KBTBD11: variants seen among roughly 807,000 people sequenced by gnomAD.
KBTBD11 encodes kelch repeat and BTB domain-containing protein 11.
For missense variants in KBTBD11, 1,390 were observed against 1,001.8 expected (o/e 1.39, Z -5.23); for synonymous variants, 747 against 499.0 (o/e 1.50, Z -6.63).
intron 1 of KBTBD11, among the ~76,000 whole-genome samples, chr8:1,993,054 C>T (rs543905197): frequency 1.3e-5 from 2 of 152,194 alleles, no homozygotes; most frequent in South Asian, 4.1e-4. Context: ...ATCCTCTGAC[C>T]CCAGCTTCCC....
In KBTBD11 at chr8:2,002,883, G is replaced by A; in HGVS notation, c.1691G>A (p.Cys564Tyr). ...GCCGCCCTGGACGGCGCCATCTACT[G>A]CGTGAGCCGCGCGGGCACCTGGCGC... ...RCAALDGAIYCVSRAGTWRFQ... is the reference protein window; with the variant it reads ...RCAALDGAIYYVSRAGTWRFQ... Residue 564 changes from cysteine to tyrosine, a missense_variant, in exon 2 of 2, where the codon TGC (cysteine) becomes TAC (tyrosine). Transcript: ENST00000320248. This position sits in a 1 kb window ranked among gnomAD's most constrained non-coding sequence, Gnocchi z 4.1. 1 of 1,328,966 alleles carries A rather than the reference G, an allele frequency of 7.5e-7. No homozygotes were observed. Among genetic ancestry groups the A allele is most frequent in the African/African-American group, 1.5e-5 (1 of 64,798 alleles). The allele number at this position is 1,328,966 out of a possible 1,614,324, so 82.3% of individuals were successfully genotyped here. A position where few individuals can be genotyped will look rare whatever the true frequency, so the allele number is the denominator to read the frequency against.
chr8:1,978,276 A>G lies in KBTBD11; in HGVS notation c.-909+4341A>G, dbSNP rs73184726. Among the ~76,000 whole-genome samples, 564 of 152,332 alleles carry G rather than the reference A, an allele frequency of 3.7e-3. 2 individuals carry two copies. The highest frequency in any genetic ancestry group is 5.7e-3 in the Non-Finnish European group (386 of 68,030). Reference sequence around the variant, plus strand: ...GTTTTCTGTTCCTGTATTCGTAGCAATAGCATTCATTTTGCTTAAAAGTCT... The same window carrying G: ...GTTTTCTGTTCCTGTATTCGTAGCAGTAGCATTCATTTTGCTTAAAAGTCT... On this transcript the variant is annotated intron_variant, in intron 1 of 1. Transcript: ENST00000320248.
intron 1 of KBTBD11, among the ~76,000 whole-genome samples, chr8:1,999,911 C>G (rs1446757776): frequency 6.6e-6 from 1 of 152,176 alleles, no homozygotes; most frequent in Non-Finnish European, 1.5e-5. Context: ...CTTCATGCTA[C>G]TTACACTTTT....
At chr8:1,982,898 G>T (rs549223826) in intron 1 of KBTBD11, among the ~76,000 whole-genome samples, 7 of 152,062 alleles carry the variant, frequency 4.6e-5, no homozygotes, top group African/African-American at 1.7e-4. Context: ...ACTAATTTTT[G>T]TACTTTTAGT....
At chr8:1,979,925 CTGTT>C (rs1298692004) in intron 1 of KBTBD11, among the ~76,000 whole-genome samples, 5 of 152,346 alleles carry the variant, frequency 3.3e-5, no homozygotes, top group Middle Eastern at 3.4e-3. Flanking sequence ...GGAGAGGCCT[CTGTT>C]TGCAGCTGAG....
intron 1 of KBTBD11, among the ~76,000 whole-genome samples, chr8:1,993,895 A>G (rs766208584): frequency 2.7e-5 from 4 of 150,090 alleles, no homozygotes; most frequent in Non-Finnish European, 4.4e-5. Context: ...GGCAAAAGCT[A>G]TCAATATATG....
Position 2,003,740 on chromosome 8 carries a change from G to C in KBTBD11, c.*676G>C, listed in dbSNP as rs1315867145. 3 of 167,058 alleles carry C rather than the reference G, an allele frequency of 1.8e-5. No individual in the cohort carries two copies. Among genetic ancestry groups the C allele is most frequent in the Admixed American group, 6.5e-5 (1 of 15,280 alleles). The allele number at this position is 167,058 out of a possible 1,614,324, so 10.3% of individuals were successfully genotyped here. A position where few individuals can be genotyped will look rare whatever the true frequency, so the allele number is the denominator to read the frequency against. ...ATGCCTAGAGCAGCTCCGTCTCACT[G>C]TTGGACCGAGGGGGCTTTCATATTT... On this transcript the variant is annotated 3_prime_UTR_variant, in exon 2 of 2. Transcript: ENST00000320248.
rs114383250 is a variant in KBTBD11 at position 1,983,268 on chromosome 8, C to A, written c.-909+9333C>A. ...CTGCCACCCTGTGTGCACCCCCATGCTCCAAAAAGGATGACCTCATCTAGG... is the reference window on the plus strand; with the variant it reads ...CTGCCACCCTGTGTGCACCCCCATGATCCAAAAAGGATGACCTCATCTAGG... On this transcript the variant is annotated intron_variant, in intron 1 of 1. Coordinates refer to ENST00000320248, the MANE Select transcript of KBTBD11 (RefSeq NM_014867.3). Among the ~76,000 whole-genome samples, 1,519 of 152,288 alleles carry A rather than the reference C, an allele frequency of 1.0e-2. 21 individuals carry two copies. The highest frequency in any genetic ancestry group is 0.034 in the African/African-American group (1,421 of 41,550).
chr8:1,975,210 T>C (rs1816292909), intron 1 of KBTBD11: 1 of 152,246 alleles, frequency 6.6e-6, no homozygotes, highest in Non-Finnish European at 1.5e-5. Context: ...AGGGCATAAC[T>C]AAGTAAAAAT....
In KBTBD11 at chr8:1,993,467, GTCTA is replaced by G. The variant is rs1462718278; in HGVS notation, c.-908-6815_-908-6812del. On this transcript the variant is annotated intron_variant, in intron 1 of 1. Transcript: ENST00000320248. Reference sequence around the variant, plus strand: ...CATCTATCCATCCAATCACCCATCTGTCTATCCATCCATCTATCCGTCCATCCGT... The same window carrying G: ...CATCTATCCATCCAATCACCCATCTGTCCATCCATCTATCCGTCCATCCGT... 7.0e-5 allele frequency among the ~76,000 whole-genome samples: 10 copies of G among 142,672 alleles called. No homozygotes were observed. In the South Asian group the frequency reaches 1.1e-3, roughly 16 times the overall value. The allele number at this position is 142,672 out of a possible 152,430, so 93.6% of individuals were successfully genotyped here.
chr8:1,978,823 C>T (rs577597239), intron 1 of KBTBD11, among the ~76,000 whole-genome samples: 40 of 125,700 alleles, frequency 3.2e-4, no homozygotes, highest in Middle Eastern at 4.3e-3. Flanking sequence ...CGGCGATCCC[C>T]AAGTCTCATC....
chr8:1,988,923 A>G (rs1051983601), intron 1 of KBTBD11, among the ~76,000 whole-genome samples: 1 of 152,254 alleles, frequency 6.6e-6, no homozygotes, highest in Admixed American at 6.5e-5. Flanking sequence ...GAGCAATTGT[A>G]GGATTTATTC....
Position 2,002,657 on chromosome 8 carries a change from C to G in KBTBD11, c.1465C>G (p.Arg489Gly). ...GCAGGAGTGCCCGTGCAGCAGCAGC[C>G]GCGAGCGCTCGGCCGACATGGTGGC... is the stretch of plus-strand genomic sequence containing the variant. ...EWQECPCSSS[R>G]ERSADMVALD... The change falls in exon 2 of 2, where the codon CGC becomes GGC. Residue 489 changes from arginine (R) to glycine (G), a missense_variant. Coordinates refer to ENST00000320248, the MANE Select transcript of KBTBD11 (RefSeq NM_014867.3). This position sits in a 1 kb window ranked among gnomAD's most constrained non-coding sequence, Gnocchi z 4.1. The G allele has an allele frequency of 6.4e-7, 1 of 1,574,112 alleles. No homozygotes were observed. The highest frequency in any genetic ancestry group is 8.6e-7 in the Non-Finnish European group (1 of 1,169,156).
intron 1 of KBTBD11, among the ~76,000 whole-genome samples, chr8:1,991,662 G>T (rs193237006): frequency 8.9e-4 from 135 of 152,188 alleles, no homozygotes; most frequent in African/African-American, 3.2e-3. Flanking sequence ...TGGGCAATGA[G>T]CTGTGACCTG....
At position 1,978,064 on chromosome 8, in the gene KBTBD11, T is replaced by C. The variant is rs576673354; in HGVS notation, c.-909+4129T>C. 3.0e-4 allele frequency among the ~76,000 whole-genome samples: 46 copies of C among 152,308 alleles called. 1 individual carries two copies. In the East Asian group the frequency reaches 8.7e-3, roughly 29 times the overall value. ...TGCAGTTTTGTTACATAGGTAAACG[T>C]GTGCCATGGTGGTTTGTTGCACCTG... On this transcript the variant is annotated intron_variant, in intron 1 of 1. Coordinates refer to ENST00000320248, the MANE Select transcript of KBTBD11 (RefSeq NM_014867.3).
chr8:2,002,339 T>G lies in KBTBD11; in HGVS notation c.1147T>G (p.Phe383Val), dbSNP rs1028014159. ...CCGCGCGCGCCCGTCCGACCAGGTC[T>G]TCTGCTACAACCCGGCCACGGACAG... ...DGRARPSDQV[F>V]CYNPATDSWS... The change falls in exon 2 of 2, where the codon TTC becomes GTC. Residue 383 changes from phenylalanine (F) to valine (V), a missense_variant. Transcript: ENST00000320248. This position sits in a 1 kb window ranked among gnomAD's most constrained non-coding sequence, Gnocchi z 4.1. 13 of 1,450,172 alleles carry G rather than the reference T, an allele frequency of 9.0e-6. No homozygotes were observed. The highest frequency in any genetic ancestry group is 3.1e-5 in the East Asian group (1 of 31,934). 89.8% of individuals were successfully genotyped at this position (1,450,172 alleles called of 1,614,324 possible).
At chr8:1,980,347 C>T (rs1165323214) in intron 1 of KBTBD11, among the ~76,000 whole-genome samples, 3 of 151,818 alleles carry the variant, frequency 2.0e-5, no homozygotes, top group African/African-American at 2.4e-5. Context: ...CTGCCTCACC[C>T]TCCGGAGTAG....
intron 1 of KBTBD11, among the ~76,000 whole-genome samples, chr8:1,992,164 G>A (rs961882516): frequency 2.6e-5 from 4 of 152,224 alleles, no homozygotes; most frequent in Non-Finnish European, 2.9e-5. Flanking sequence ...GGTTCCTGCC[G>A]GGCTTTGTCA....
chr8:1,991,460 C>T (rs1816913465), intron 1 of KBTBD11, among the ~76,000 whole-genome samples: 1 of 152,228 alleles, frequency 6.6e-6, no homozygotes, highest in African/African-American at 2.4e-5. Flanking sequence ...CTCTCCTGTC[C>T]TCTTCCCATT....
Sources: gnomAD v4.1 joint callset for allele counts (sites outside exome capture counted in the v4.1 genomes callset) on GRCh38, gnomAD v4.1.1 for gene constraint, Gnocchi (gnomAD v3.1) non-coding constraint, MANE v1.5 for transcripts, NCBI Gene and HGNC (gene_info 2026-07-23, HGNC 2026-07-21) for gene names.